RELN: variants seen among roughly 807,000 people sequenced by gnomAD.
RELN encodes the protein reelin.
Under a neutral mutation model 427.6 loss-of-function variants are expected in RELN, and 108 were observed. The observed-to-expected ratio is 0.25, with a 90% CI of 0.22 to 0.30. RELN has a LOEUF of 0.30. Among genes scored for constraint, RELN ranks in the 10% least tolerant of loss-of-function variants. The pLI is 1.00. For synonymous variants in RELN, 1,524 were observed against 1,513.4 expected (o/e 1.01, Z -0.16); for missense variants, 3,715 against 4,302.8 (o/e 0.86, Z 3.82).
At chr7:103,489,281 T>G (rs1232283787) in intron 60 of RELN, among the ~76,000 whole-genome samples, 3 of 151,416 alleles carry the variant, frequency 2.0e-5, no homozygotes, top group East Asian at 3.9e-4. Flanking sequence ...CAGCTACATC[T>G]TAGGAGAACA....
intron 3 of RELN, among the ~76,000 whole-genome samples, chr7:103,800,431 C>A (rs1222226481): frequency 6.6e-6 from 1 of 152,130 alleles, no homozygotes; most frequent in East Asian, 1.9e-4. Flanking sequence ...CACCACACAT[C>A]TACAACCATC....
At chr7:103,495,040 G>A (rs2528872) in intron 57 of RELN, among the ~76,000 whole-genome samples, 36,549 of 151,894 alleles carry the variant, frequency 0.24, 4,627 homozygotes, top group East Asian at 0.45. Flanking sequence ...TAGGCAGAGT[G>A]CCCTATTTGA....
At chr7:103,798,188 G>A (rs990577226) in intron 3 of RELN, among the ~76,000 whole-genome samples, 1 of 152,138 alleles carries the variant, frequency 6.6e-6, no homozygotes. Flanking sequence ...CTCATTGTGA[G>A]CCTTTACCAG....
chr7:103,707,581 C>T (rs1425108910), intron 8 of RELN, among the ~76,000 whole-genome samples: 1 of 151,388 alleles, frequency 6.6e-6, no homozygotes, highest in African/African-American at 2.4e-5. Flanking sequence ...TCACTGCAAT[C>T]TTTGCTTCAT....
Position 103,565,262 on chromosome 7 carries a change from A to T in RELN, c.5210+16T>A. On this transcript the variant is annotated intron_variant, in intron 34 of 64. Transcript: ENST00000428762. Reference sequence around the variant, plus strand: ...GCACCCAAAGTTCTGACATGTAGCCAAATGACAATTCTCACATGGTGGAGA... The same window carrying T: ...GCACCCAAAGTTCTGACATGTAGCCTAATGACAATTCTCACATGGTGGAGA... 6.2e-7 allele frequency: 1 copy of T among 1,614,058 alleles called. No individual in the cohort carries two copies. The highest frequency in any genetic ancestry group is 8.5e-7 in the Non-Finnish European group (1 of 1,179,920).
intron 2 of RELN, among the ~76,000 whole-genome samples, chr7:103,916,708 A>G (rs1477345943): frequency 6.6e-5 from 10 of 152,338 alleles, no homozygotes; most frequent in African/African-American, 2.4e-4. Context: ...TTCATTAACC[A>G]TAATATTTTA....
At chr7:103,886,815 G>C (rs1794734518) in intron 2 of RELN, among the ~76,000 whole-genome samples, 1 of 152,078 alleles carries the variant, frequency 6.6e-6, no homozygotes, top group Non-Finnish European at 1.5e-5. Flanking sequence ...CTTCATAATA[G>C]GTCCTACAGA....
chr7:103,788,734 A>C (rs1244216747), intron 3 of RELN, among the ~76,000 whole-genome samples: 1 of 152,228 alleles, frequency 6.6e-6, no homozygotes, highest in African/African-American at 2.4e-5. Context: ...GATATGAAGA[A>C]TCAATATCGT....
rs1337781865 is a variant in RELN at position 103,490,704 on chromosome 7, C to G, written c.9569G>C (p.Arg3190Thr). ...YNSVNSSSWK[R>T]ITIQLPDHVS... is the part of the protein sequence containing the mutation. ...ATGGTCAGGCAGCTGGATGGTGATT[C>G]TTTTCCAGCTTGAGCTGTTGACAGA... The change falls in exon 59 of 65, where the codon AGA becomes ACA. Residue 3190 changes from arginine (R) to threonine (T), a missense_variant. Physicochemically the swap from Arg to Thr is moderately conservative, Grantham distance 71. Coordinates refer to ENST00000428762, the MANE Select transcript of RELN (RefSeq NM_005045.4). 1 of 1,614,184 alleles carries G rather than the reference C, an allele frequency of 6.2e-7. No individual in the cohort carries two copies. Among genetic ancestry groups the G allele is most frequent in the Non-Finnish European group, 8.5e-7 (1 of 1,180,028 alleles).
intron 28 of RELN, among the ~76,000 whole-genome samples, chr7:103,578,895 G>A (rs1831063828): frequency 6.6e-6 from 1 of 152,192 alleles, no homozygotes; most frequent in South Asian, 2.1e-4. Flanking sequence ...GTGGAACAAT[G>A]ATTTCTTATT....
Position 103,989,499 on chromosome 7 carries a change from G to T in RELN, c.-143C>A. 1 of 664,878 alleles carries T rather than the reference G, an allele frequency of 1.5e-6. No homozygotes were observed. Among genetic ancestry groups the T allele is most frequent in the Non-Finnish European group, 2.2e-6 (1 of 454,670 alleles). 41.2% of individuals were successfully genotyped at this position (664,878 alleles called of 1,614,324 possible). On this transcript the variant is annotated 5_prime_UTR_variant, in exon 1 of 65. Coordinates refer to ENST00000428762, the MANE Select transcript of RELN (RefSeq NM_005045.4). The surrounding 1 kb of genome is among the most constrained non-coding windows in gnomAD (Gnocchi z 4.9). ...GGAACGGGCTCGGGAGCGGGCCTGG[G>T]AGCGGGCCCCCGCCGAGAAGTTCCG...
Position 103,773,100 on chromosome 7 carries a change from T to TTCCTTCCTTTC in RELN, c.544+3456_544+3457insGAAAGGAAGGA, listed in dbSNP as rs1791611584. Among the ~76,000 whole-genome samples, 109 of 128,706 alleles carry TTCCTTCCTTTC rather than the reference T, an allele frequency of 8.5e-4. 1 individual carries two copies. The highest frequency in any genetic ancestry group is 3.1e-3 in the African/African-American group (102 of 32,748). 84.4% of individuals were successfully genotyped at this position (128,706 alleles called of 152,430 possible). On this transcript the variant is annotated intron_variant, in intron 4 of 64. Transcript: ENST00000428762. ...AAGGAGGAGATAGATGGTTCTCCTC[T>TTCCTTCCTTTC]TTTCTTTCTTTCTTTCTTTCTTTCT...
At chr7:103,478,416 C>T in intron 63 of RELN, 22 bp from the exon 64 acceptor site, 1 of 753,996 alleles carries the variant, frequency 1.3e-6, no homozygotes, top group South Asian at 1.4e-5. Flanking sequence ...CCAATGACAG[C>T]AAATAATGAA....
intron 2 of RELN, among the ~76,000 whole-genome samples, chr7:103,900,335 T>A (rs945916059): frequency 6.6e-6 from 1 of 152,104 alleles, no homozygotes; most frequent in Non-Finnish European, 1.5e-5. Context: ...TGCTCATGTA[T>A]AGGAAGAATC....
At position 103,655,097 on chromosome 7, in the gene RELN, C is replaced by T. The variant is rs10234931; in HGVS notation, c.1442-892G>A. ...AAAGCATTAAGACTGTAGGCATGAG[C>T]CACCACGCCTAGTCCCAGTCAACAA... is the stretch of plus-strand genomic sequence containing the variant. On this transcript the variant is annotated intron_variant, in intron 12 of 64. Coordinates refer to ENST00000428762, the MANE Select transcript of RELN (RefSeq NM_005045.4). Among the ~76,000 whole-genome samples the T allele has an allele frequency of 4.6e-5, 7 of 152,102 alleles. No individual in the cohort carries two copies. The East Asian group carries it at 1.2e-3, about 25-fold the overall frequency.
rs149398070 is a variant in RELN, at chr7:103,510,142, T to C, written c.8274+709A>G. Among the ~76,000 whole-genome samples the C allele has an allele frequency of 1.7e-3, 255 of 152,346 alleles. 1 individual carries two copies. Among genetic ancestry groups the C allele is most frequent in the African/African-American group, 5.9e-3 (245 of 41,590 alleles). On this transcript the variant is annotated intron_variant, in intron 51 of 64. Coordinates refer to ENST00000428762, the MANE Select transcript of RELN (RefSeq NM_005045.4). ...CACCCAGCAATCCCATTACTGGGTA[T>C]ATACCCAAAGGATTATAAATCATTC...
chr7:103,974,284 GA>G (rs554835056), intron 1 of RELN, among the ~76,000 whole-genome samples: 106 of 152,222 alleles, frequency 7.0e-4, no homozygotes, highest in Non-Finnish European at 1.0e-3. Flanking sequence ...TTCAGACAAG[GA>G]AACGGAGACA....
Position 103,472,796 on chromosome 7 carries a change from T to TA in RELN, c.*15dup. On this transcript the variant is annotated 3_prime_UTR_variant, in exon 65 of 65. Coordinates refer to ENST00000428762, the MANE Select transcript of RELN (RefSeq NM_005045.4). ...ACATCACATGTTGGAAGAAAAAAAA[T>TA]AAACTTTTTGATTCTTCATGGGTAT... is the stretch of plus-strand genomic sequence containing the variant. 1.3e-6 allele frequency: 2 copies of TA among 1,594,056 alleles called. No individual in the cohort carries two copies. The highest frequency in any genetic ancestry group is 1.7e-6 in the Non-Finnish European group (2 of 1,161,862).
chr7:103,494,394 G>GTGTGTGTGTGTGT (rs774896895), intron 57 of RELN, among the ~76,000 whole-genome samples: 4,222 of 134,484 alleles, frequency 0.031, 76 homozygotes, highest in Non-Finnish European at 0.04. Flanking sequence ...TGTGTGTGTG[G>GTGTGTGTGTGTGT]GATATGGTCT....
Sources: allele counts gnomAD v4.1 joint callset (sites outside exome capture counted in the v4.1 genomes callset), GRCh38; gene constraint gnomAD v4.1.1; non-coding constraint Gnocchi (gnomAD v3.1); transcripts MANE v1.5; gene names NCBI Gene and HGNC (gene_info 2026-07-23, HGNC 2026-07-21).